The following SLAMF9 variants were observed in gnomAD, a reference collection of about 807,000 sequenced individuals.
SLAMF9 encodes SLAM family member 9.
In SLAMF9, 25 loss-of-function variants were observed where a neutral mutation model predicts 30.4. The ratio of observed to expected loss-of-function variants is 0.82; its 90% CI spans 0.60 to 1.15. The LOEUF is 1.15. Among genes scored for constraint, SLAMF9 ranks in the 50% most tolerant of loss-of-function variants. The probability of loss-of-function intolerance (pLI) is 0.00; values close to 1 mark genes in which losing one functional copy is unlikely to be tolerated. For synonymous variants in SLAMF9, 129 were observed against 127.2 expected (o/e 1.01, Z -0.09); for missense variants, 344 against 346.1 (o/e 0.99, Z 0.05).
At chr1:159,978,090 C>T in the SLAMF9 span, among the ~76,000 whole-genome samples, 1 of 152,250 alleles carries the variant, frequency 6.6e-6, no homozygotes, top group South Asian at 2.1e-4. Flanking sequence ...GTCATAGTTC[C>T]TATTAAGTTC....
chr1:159,957,171 G>A (rs1651941166), upstream of SLAMF9, among the ~76,000 whole-genome samples: 2 of 142,878 alleles, frequency 1.4e-5, no homozygotes, highest in Non-Finnish European at 3.0e-5. Flanking sequence ...ACTACAAGTA[G>A]AGAGTAGAGT....
the SLAMF9 span, chr1:159,976,909 A>G: frequency 1.0e-5 from 1 of 98,024 alleles, no homozygotes; most frequent in Non-Finnish European, 1.9e-5. Flanking sequence ...AGAAGGAAAG[A>G]AAAAAAGAAA....
the SLAMF9 span, among the ~76,000 whole-genome samples, chr1:159,969,286 G>A: frequency 6.6e-6 from 1 of 151,646 alleles, no homozygotes; most frequent in African/African-American, 2.4e-5. Flanking sequence ...GGGGGAAGGG[G>A]TATAGTCCCT....
rs1651841738 is a variant in SLAMF9, at chr1:159,953,537, AGAT to A, written c.160_162del (p.Ile54del). On this transcript the variant is annotated inframe_deletion, in exon 2 of 4. Coordinates refer to ENST00000368093, the MANE Select transcript of SLAMF9 (RefSeq NM_033438.4). ...GTGGCAAGACTTTTGTGAGAGGACC[AGAT>A]GATGTTCTCAACCTCTTCATCTGGT... The A allele has an allele frequency of 6.2e-7, 1 of 1,614,252 alleles. No homozygotes were observed.
the SLAMF9 span, chr1:159,978,467 C>G: frequency 6.6e-6 from 1 of 152,180 alleles, no homozygotes; most frequent in Non-Finnish European, 1.5e-5. Flanking sequence ...ACACCTGGGT[C>G]ACAGATGCTA....
chr1:159,960,689 C>T, the SLAMF9 span, among the ~76,000 whole-genome samples: 2 of 152,036 alleles, frequency 1.3e-5, no homozygotes, highest in African/African-American at 2.4e-5. Context: ...CTCCCGACCT[C>T]GTGATCCACC....
chr1:159,980,264 G>A, the SLAMF9 span, among the ~76,000 whole-genome samples: 4 of 152,214 alleles, frequency 2.6e-5, no homozygotes, highest in East Asian at 7.8e-4. Flanking sequence ...AGGGGGACTC[G>A]CCTTCTCATC....
chr1:159,954,126 A>G lies in SLAMF9; in HGVS notation c.12T>C (p.Phe4=). The stretch of plus-strand genomic sequence containing the variant: ...GCAGCAGGAGAAGAAGCAGCCAAGG[A>G]AAGGCACACATGTCAGCAGCCCCCA... MCA[F]PWLLLLLLLQ... The change falls in exon 1 of 4, where the codon TTT becomes TTC. Residue 4 remains phenylalanine (F), a synonymous_variant. Coordinates refer to ENST00000368093, the MANE Select transcript of SLAMF9 (RefSeq NM_033438.4). The G allele has an allele frequency of 6.2e-7, 1 of 1,614,120 alleles. No homozygotes were observed.
chr1:159,977,540 C>G, the SLAMF9 span, among the ~76,000 whole-genome samples: 1 of 152,240 alleles, frequency 6.6e-6, no homozygotes, highest in South Asian at 2.1e-4. Flanking sequence ...GGGCCAGTGA[C>G]AGCATCCTTC....
the SLAMF9 span, among the ~76,000 whole-genome samples, chr1:159,971,400 C>T: frequency 6.6e-6 from 1 of 152,152 alleles, no homozygotes; most frequent in East Asian, 1.9e-4. Context: ...AACAAACCAA[C>T]CAATCAAACT....
intron 3 of SLAMF9, 113 bp downstream of exon 3, chr1:159,952,149 G>A: frequency 8.0e-7 from 1 of 1,253,164 alleles, no homozygotes; most frequent in Non-Finnish European, 1.1e-6. Flanking sequence ...CTCCATGGGA[G>A]GGGGTTAGCT....
chr1:159,973,064 C>G, the SLAMF9 span: 1 of 1,458,198 alleles, frequency 6.9e-7, no homozygotes, highest in African/African-American at 1.5e-5. Flanking sequence ...CCGCCTCACA[C>G]CAGTAAAGCC....
the SLAMF9 span, among the ~76,000 whole-genome samples, chr1:159,974,674 G>C: frequency 6.6e-6 from 1 of 152,192 alleles, no homozygotes; most frequent in Non-Finnish European, 1.5e-5. Flanking sequence ...GCCCCGTCCT[G>C]TCTGTTCTCA....
At chr1:159,952,211 T>C in intron 3 of SLAMF9, 51 bp downstream of exon 3, 1 of 1,602,152 alleles carries the variant, frequency 6.2e-7, no homozygotes, top group Non-Finnish European at 8.5e-7. Context: ...AGATGGTGCC[T>C]CTAGGCACTA....
the SLAMF9 span, chr1:159,972,908 G>C: frequency 1.0e-6 from 1 of 1,000,594 alleles, no homozygotes; most frequent in African/African-American, 1.7e-5. Flanking sequence ...CTCTCCTGGG[G>C]ACACTTCCCA....
intron 2 of SLAMF9, 103 bp downstream of exon 2, chr1:159,953,206 G>A (rs1651820688): frequency 5.4e-6 from 5 of 920,708 alleles, no homozygotes; most frequent in African/African-American, 1.7e-5. Flanking sequence ...TCCAGTTCTA[G>A]CCCCTCAAAC....
chr1:159,952,584 C>G, intron 2 of SLAMF9, 50 bp from the exon 3 acceptor site: 3 of 1,588,388 alleles, frequency 1.9e-6, no homozygotes, highest in Non-Finnish European at 2.6e-6. Flanking sequence ...GGGATCGGGT[C>G]TGTTTTCCTA....
the SLAMF9 span, among the ~76,000 whole-genome samples, chr1:159,963,119 C>T: frequency 6.6e-6 from 1 of 152,150 alleles, no homozygotes; most frequent in East Asian, 1.9e-4. Context: ...ACAATACCCG[C>T]TTTATAGGGT....
At chr1:159,955,435 T>C (rs1373560483), upstream of SLAMF9, among the ~76,000 whole-genome samples, 1 of 152,210 alleles carries the variant, frequency 6.6e-6, no homozygotes, top group Non-Finnish European at 1.5e-5. Context: ...TATGAGTCTG[T>C]GCTGTGAAGA....
Sources: allele counts gnomAD v4.1 joint callset (sites outside exome capture counted in the v4.1 genomes callset), GRCh38; gene constraint gnomAD v4.1.1; transcripts MANE v1.5; gene names NCBI Gene and HGNC (gene_info 2026-07-23, HGNC 2026-07-21).